The following A2ML1 variants were observed in gnomAD, a reference collection of about 807,000 sequenced individuals.
A2ML1 encodes alpha-2-macroglobulin-like protein 1.
A neutral mutation model predicts 181.9 loss-of-function variants in A2ML1; 161 were observed. That is an observed-to-expected ratio of 0.89 (90% CI 0.78 to 1.01). A2ML1 has a LOEUF of 1.01. A2ML1 is among the 50% of genes least tolerant of loss of function. The probability of loss-of-function intolerance (pLI) is 0.00; values close to 1 mark genes in which losing one functional copy is unlikely to be tolerated. For missense variants in A2ML1, 1,670 were observed against 1,768.1 expected (o/e 0.94, Z 1.00); for synonymous variants, 663 against 666.8 (o/e 0.99, Z 0.09).
At chr12:8,881,595 T>A (rs921924254), downstream of A2ML1, among the ~76,000 whole-genome samples, 9 of 152,204 alleles carry the variant, frequency 5.9e-5, no homozygotes, top group African/African-American at 2.2e-4. Flanking sequence ...CACAAAATCC[T>A]ACTTATGCCA....
At position 8,870,147 on chromosome 12, in the gene A2ML1, T is replaced by A. The variant is rs767807293; in HGVS notation, c.4221+944T>A. On this transcript the variant is annotated intron_variant, in intron 33 of 35. Transcript: ENST00000299698. ...GACAAGAATATCCCAAATCAAAACA[T>A]ACTGTTGTTAGTAACATCCATTTCC... Among the ~76,000 whole-genome samples, 11 of 152,310 alleles carry A rather than the reference T, an allele frequency of 7.2e-5. No individual in the cohort carries two copies. In the South Asian group the frequency reaches 1.7e-3, roughly 23 times the overall value.
At chr12:8,836,174 T>A (rs887043672) in intron 6 of A2ML1, 81 bp from the exon 7 acceptor site, 1 of 1,104,502 alleles carries the variant, frequency 9.1e-7, no homozygotes, top group African/African-American at 1.5e-5. Flanking sequence ...TAATTCTCAC[T>A]GTTTATACCC....
At chr12:8,837,683 C>T in intron 8 of A2ML1, 117 bp downstream of exon 8, 1 of 1,144,158 alleles carries the variant, frequency 8.7e-7, no homozygotes, top group Non-Finnish European at 1.2e-6. Context: ...AGTTTGAGAC[C>T]AGCCTGACCA....
At chr12:8,874,939 A>C in intron 34 of A2ML1, 32 bp from the exon 35 acceptor site, 1 of 1,612,628 alleles carries the variant, frequency 6.2e-7, no homozygotes, top group Non-Finnish European at 8.5e-7. Context: ...GGAGGCCCTC[A>C]AAGTAATAAT....
chr12:8,840,725 T>C (rs1167512491), intron 10 of A2ML1, among the ~76,000 whole-genome samples: 1 of 151,682 alleles, frequency 6.6e-6, no homozygotes, highest in Admixed American at 6.6e-5. Flanking sequence ...CTGACCAACA[T>C]GGTGAAAACC....
At chr12:8,826,874 C>T (rs984837689) in intron 3 of A2ML1, among the ~76,000 whole-genome samples, 1 of 152,290 alleles carries the variant, frequency 6.6e-6, no homozygotes, top group Non-Finnish European at 1.5e-5. Context: ...CCCACTCAGC[C>T]TCCCAAAGTG....
intron 3 of A2ML1, 70 bp from the exon 4 acceptor site, chr12:8,829,654 CAAA>C (rs778132993): frequency 0.032 from 34,647 of 1,074,402 alleles, 1 homozygote; most frequent in South Asian, 0.051. Context: ...GACCCTGTAT[CAAA>C]AAAAAAAAAA....
intron 7 of A2ML1, among the ~76,000 whole-genome samples, chr12:8,883,387 C>T (rs1334046952): frequency 2.0e-5 from 3 of 152,332 alleles, no homozygotes; most frequent in East Asian, 3.9e-4. Flanking sequence ...TTCTCAGAAT[C>T]GCTTGCAGTT....
chr12:8,862,646 G>A (rs1337301089), intron 28 of A2ML1, among the ~76,000 whole-genome samples: 6 of 152,136 alleles, frequency 3.9e-5, no homozygotes, highest in African/African-American at 1.2e-4. Context: ...TTATATGAGC[G>A]TCATGGCTGA....
At chr12:8,853,402 A>G (rs1027745512) in intron 20 of A2ML1, among the ~76,000 whole-genome samples, 4 of 152,232 alleles carry the variant, frequency 2.6e-5, no homozygotes, top group African/African-American at 9.6e-5. Flanking sequence ...GTTGCTTGAC[A>G]AATTATTGTA....
intron 22 of A2ML1, 48 bp from the exon 23 acceptor site, chr12:8,855,461 G>A (rs1032533681): frequency 6.3e-7 from 1 of 1,584,668 alleles, no homozygotes; most frequent in African/African-American, 1.3e-5. Context: ...GAGAACCCCT[G>A]CCATTCCCCA....
intron 29 of A2ML1, among the ~76,000 whole-genome samples, chr12:8,865,880 T>G (rs10771135): frequency 1.3e-5 from 2 of 152,126 alleles, no homozygotes; most frequent in Non-Finnish European, 2.9e-5. Flanking sequence ...CAGAAATAAC[T>G]AAGAAAATAT....
At position 8,841,366 on chromosome 12, in the gene A2ML1, C is replaced by T. The variant is rs765992889; in HGVS notation, c.1081-3C>T. On this transcript the variant is annotated splice_region_variant and splice_polypyrimidine_tract_variant and intron_variant, in intron 10 of 35. Coordinates refer to ENST00000299698, the MANE Select transcript of A2ML1 (RefSeq NM_144670.6). Reference sequence around the variant, plus strand: ...CTAATCCGTAATGATCTTTGTCCTTCAGATAAGAGTTAGGGGCCATGATGA... The same window carrying T: ...CTAATCCGTAATGATCTTTGTCCTTTAGATAAGAGTTAGGGGCCATGATGA... 1 of 1,613,332 alleles carries T rather than the reference C, an allele frequency of 6.2e-7. No homozygotes were observed. Among genetic ancestry groups the T allele is most frequent in the South Asian group, 1.1e-5 (1 of 90,898 alleles).
Position 8,852,988 on chromosome 12 carries a change from G to A in A2ML1, c.2590+652G>A, listed in dbSNP as rs1160905487. Among the ~76,000 whole-genome samples, 10 of 152,050 alleles carry A rather than the reference G, an allele frequency of 6.6e-5. No individual in the cohort carries two copies. The highest frequency in any genetic ancestry group is 3.2e-3 in the Middle Eastern group (1 of 316). On this transcript the variant is annotated intron_variant, in intron 20 of 35. Transcript: ENST00000299698. This position sits in a 1 kb window ranked among gnomAD's most constrained non-coding sequence, Gnocchi z 4.2. ...TGGGATTACAGGCGTGAGCCGCTGC[G>A]CCTGGCCTTTTATTTTTTTTTAGAG...
chr12:8,827,135 T>C (rs767588466), intron 3 of A2ML1, among the ~76,000 whole-genome samples: 22 of 152,064 alleles, frequency 1.4e-4, no homozygotes, highest in African/African-American at 5.1e-4. Flanking sequence ...GAGATGAGTA[T>C]TTCGAGACCA....
chr12:8,843,439 C>T, intron 12 of A2ML1, 78 bp downstream of exon 12: 1 of 1,377,926 alleles, frequency 7.3e-7, no homozygotes, highest in South Asian at 1.4e-5. Context: ...GAGGGTGCAC[C>T]TAGGCTATCT....
intron 34 of A2ML1, 24 bp downstream of exon 34, chr12:8,874,551 G>A (rs1944739903): frequency 6.4e-7 from 1 of 1,557,976 alleles, no homozygotes; most frequent in African/African-American, 1.4e-5. Flanking sequence ...GCTGAAATGA[G>A]ATCTGAGATC....
In A2ML1 at chr12:8,854,201, T is replaced by A. The variant is rs751324491; in HGVS notation, c.2664T>A (p.Val888=). ...CATGTGGGGGCCAGAAGGGGTTTGTTCCCCAAAAGGGCCGAAGTGACACGC... is the reference window on the plus strand; with the variant it reads ...CATGTGGGGGCCAGAAGGGGTTTGTACCCCAAAAGGGCCGAAGTGACACGC... The part of the protein sequence containing the change: ...NEPCGGQKGF[V]PQKGRSDTLI... Residue 888 remains valine (V), a synonymous_variant, in exon 21 of 36, where the codon GTT becomes GTA. Transcript: ENST00000299698. The A allele has an allele frequency of 1.2e-6, 2 of 1,609,834 alleles. No individual in the cohort carries two copies. The highest frequency in any genetic ancestry group is 3.3e-5 in the Admixed American group (2 of 59,712).
At chr12:8,849,844 C>A in intron 17 of A2ML1, 85 bp downstream of exon 17, 1 of 1,261,612 alleles carries the variant, frequency 7.9e-7, no homozygotes, top group African/African-American at 1.5e-5. Flanking sequence ...CCTGTTCTTG[C>A]ACTGAGCCTC....
Sources: allele counts gnomAD v4.1 joint callset (sites outside exome capture counted in the v4.1 genomes callset), GRCh38; gene constraint gnomAD v4.1.1; non-coding constraint Gnocchi (gnomAD v3.1); transcripts MANE v1.5; gene names NCBI Gene and HGNC (gene_info 2026-07-23, HGNC 2026-07-21).